Variants in EMID1 observed in about 807,000 individuals in gnomAD.
EMID1 encodes the protein EMI domain containing 1.
A neutral mutation model predicts 60.6 loss-of-function variants in EMID1; 40 were observed. The ratio of observed to expected loss-of-function variants is 0.66; its 90% CI spans 0.51 to 0.86. The LOEUF (loss-of-function observed/expected upper bound fraction) is 0.86. Among genes scored for constraint, EMID1 ranks in the 40% least tolerant of loss-of-function variants. EMID1 has a pLI of 0.00. For synonymous variants in EMID1, 242 were observed against 231.0 expected, an observed-to-expected ratio of 1.05 and a Z score of -0.43; for missense variants, 585 against 597.1, an observed-to-expected ratio of 0.98 and a Z score of 0.21.
At position 29,216,482 on chromosome 22, in the gene EMID1, C is replaced by T. The variant is rs943011056; in HGVS notation, c.319+852C>T. Reference sequence around the variant, plus strand: ...CCATCCTGAGAACCAGGCCCAGAGACAGCTCAAGGGACAGAAGCATTCAGG... The same window carrying T: ...CCATCCTGAGAACCAGGCCCAGAGATAGCTCAAGGGACAGAAGCATTCAGG... On this transcript the variant is annotated intron_variant, in intron 3 of 14. Transcript: ENST00000334018. 9 of 985,368 alleles carry T rather than the reference C, an allele frequency of 9.1e-6. No individual in the cohort carries two copies. In the African/African-American group the frequency reaches 1.6e-4, roughly 17 times the overall value. The allele number at this position is 985,368 out of a possible 1,614,324, so 61.0% of individuals were successfully genotyped here. A position where few individuals can be genotyped will look rare whatever the true frequency, so the allele number is the denominator to read the frequency against.
chr22:29,225,742 C>T (rs1201706470), intron 4 of EMID1, among the ~76,000 whole-genome samples: 9 of 152,234 alleles, frequency 5.9e-5, no homozygotes, highest in African/African-American at 2.2e-4. Flanking sequence ...CCTTCCTGCT[C>T]TGAGCCGTGT....
intron 3 of EMID1, 110 bp from the exon 4 acceptor site, chr22:29,225,023 G>A: frequency 9.1e-7 from 1 of 1,096,618 alleles, no homozygotes; most frequent in Non-Finnish European, 1.3e-6. Context: ...GGGCCTCTGT[G>A]TCCTACGCTG....
chr22:29,247,636 T>G (rs930157609), intron 13 of EMID1, among the ~76,000 whole-genome samples: 3 of 152,246 alleles, frequency 2.0e-5, no homozygotes, highest in Non-Finnish European at 4.4e-5. Flanking sequence ...GGAGCTTTTT[T>G]GTTTGTTTGT....
intron 13 of EMID1, among the ~76,000 whole-genome samples, chr22:29,245,736 CACTGCAGGA>C (rs1235402411): frequency 7.9e-5 from 12 of 152,194 alleles, no homozygotes; most frequent in African/African-American, 2.7e-4. Context: ...CATGATAGTG[CACTGCAGGA>C]ACTGGAGTGA....
intron 1 of EMID1, among the ~76,000 whole-genome samples, chr22:29,212,569 CT>C (rs750493866): frequency 1.1e-3 from 152 of 140,472 alleles, no homozygotes; most frequent in Middle Eastern, 4.0e-3. Context: ...TGTAATGTGG[CT>C]TTTTTTTTTT....
rs944310803 is a variant in EMID1, at chr22:29,238,633, G to A, written c.1074+4284G>A. On this transcript the variant is annotated intron_variant, in intron 12 of 14. Coordinates refer to ENST00000334018, the MANE Select transcript of EMID1 (RefSeq NM_133455.4). ...AGGGTTTCACCATGTTGGCCAGGCTGGTCTCAAACTTCTGACCTCAGGTGA... is the reference window on the plus strand; with the variant it reads ...AGGGTTTCACCATGTTGGCCAGGCTAGTCTCAAACTTCTGACCTCAGGTGA... 3.5e-5 allele frequency among the ~76,000 whole-genome samples: 5 copies of A among 143,500 alleles called. 1 individual carries two copies. Among genetic ancestry groups the A allele is most frequent in the Admixed American group, 6.8e-5 (1 of 14,622 alleles). 94.1% of individuals were successfully genotyped at this position (143,500 alleles called of 152,430 possible).
intron 12 of EMID1, among the ~76,000 whole-genome samples, 192 bp downstream of exon 12, chr22:29,234,541 T>C (rs1369441870): frequency 2.0e-5 from 3 of 152,200 alleles, no homozygotes; most frequent in Non-Finnish European, 4.4e-5. Flanking sequence ...ACTCTGGCTC[T>C]CTGTTTCTCT....
At position 29,215,579 on chromosome 22, in the gene EMID1, G is replaced by A. The variant is rs202038784; in HGVS notation, c.268G>A (p.Ala90Thr). 33 of 1,614,004 alleles carry A rather than the reference G, an allele frequency of 2.0e-5. No individual in the cohort carries two copies. The highest frequency in any genetic ancestry group is 1.8e-4 in the Admixed American group (11 of 60,006). ...TYKVMYKIVT[A>T]REWRCCPGHS... ...CAAGGTGATGTACAAGATAGTGACC[G>A]CCCGTGAGTGGAGGTGCTGCCCTGG... Residue 90 changes from alanine to threonine, a missense_variant, in exon 3 of 15, where the codon GCC (alanine) becomes ACC (threonine). Coordinates refer to ENST00000334018, the MANE Select transcript of EMID1 (RefSeq NM_133455.4).
chr22:29,242,726 G>T (rs2041195634), intron 12 of EMID1, among the ~76,000 whole-genome samples: 1 of 152,200 alleles, frequency 6.6e-6, no homozygotes, highest in Admixed American at 6.5e-5. Context: ...GGTTTTATCA[G>T]AGAGAATCTC....
chr22:29,233,072 G>T (rs1415604623), intron 8 of EMID1: 2 of 409,996 alleles, frequency 4.9e-6, no homozygotes, highest in African/African-American at 4.0e-5. Context: ...GTAGGTGGTG[G>T]ATAAATGGTA....
At chr22:29,239,369 A>G (rs769988544) in intron 12 of EMID1, among the ~76,000 whole-genome samples, 2 of 150,918 alleles carry the variant, frequency 1.3e-5, no homozygotes, top group Admixed American at 6.6e-5. Context: ...GAGTTTAAGC[A>G]GTCTACCCAC....
intron 3 of EMID1, among the ~76,000 whole-genome samples, chr22:29,217,499 G>C (rs1374070013): frequency 6.6e-6 from 1 of 152,226 alleles, no homozygotes; most frequent in Non-Finnish European, 1.5e-5. Context: ...CCCTGGGCTT[G>C]GGGGTGCTGC....
At position 29,232,337 on chromosome 22, in the gene EMID1, G is replaced by A. The variant is rs748853539; in HGVS notation, c.758G>A (p.Gly253Glu). The change falls in exon 8 of 15, where the codon GGG (glycine) becomes GAG (glutamate). Residue 253 changes from glycine to glutamate, a missense_variant. Gly to Glu is a moderately conservative substitution (Grantham distance 98, BLOSUM62 -2). Coordinates refer to ENST00000334018, the MANE Select transcript of EMID1 (RefSeq NM_133455.4). ...GAGAGGGGACCTCCTGGGCCACCAG[G>A]GCCTCCTGGCCCCCCTGGGCCCCCA... ...PGERGPPGPP[G>E]PPGPPGPPAP... is the part of the protein sequence containing the mutation. 1 of 1,608,246 alleles carries A rather than the reference G, an allele frequency of 6.2e-7. No individual in the cohort carries two copies. Among genetic ancestry groups the A allele is most frequent in the East Asian group, 2.2e-5 (1 of 44,836 alleles).
chr22:29,227,943 G>C (rs893392109), intron 5 of EMID1, among the ~76,000 whole-genome samples: 1 of 151,816 alleles, frequency 6.6e-6, no homozygotes, highest in Non-Finnish European at 1.5e-5. Context: ...ATCACCTGAG[G>C]TCAAGAGTTC....
chr22:29,232,111 G>T, intron 7 of EMID1, 145 bp from the exon 8 acceptor site: 1 of 857,160 alleles, frequency 1.2e-6, no homozygotes, highest in Non-Finnish European at 1.9e-6. Context: ...TCATCCCCCT[G>T]TTAGACTACC....
At position 29,259,002 on chromosome 22, in the gene EMID1, G is replaced by C; in HGVS notation, c.*58G>C. On this transcript the variant is annotated 3_prime_UTR_variant, in exon 15 of 15. Coordinates refer to ENST00000334018, the MANE Select transcript of EMID1 (RefSeq NM_133455.4). ...AGGCTTCCCCTCCTACCTGGACTCG[G>C]CCAGCTGCCTCCAGGGACCGCCCGT... The C allele has an allele frequency of 6.4e-7, 1 of 1,569,688 alleles. No homozygotes were observed. The highest frequency in any genetic ancestry group is 8.6e-7 in the Non-Finnish European group (1 of 1,160,602).
chr22:29,243,100 C>T (rs1427383852), intron 12 of EMID1, among the ~76,000 whole-genome samples: 3 of 151,970 alleles, frequency 2.0e-5, no homozygotes. Flanking sequence ...GCAACCTCAA[C>T]CTCTGATTCC....
At chr22:29,219,257 G>A (rs1303127271) in intron 3 of EMID1, among the ~76,000 whole-genome samples, 1 of 152,192 alleles carries the variant, frequency 6.6e-6, no homozygotes, top group Non-Finnish European at 1.5e-5. Context: ...GAGGCTGGCA[G>A]AAGCCAGTCT....
Position 29,259,078 on chromosome 22 carries a change from G to A in EMID1, c.*134G>A, listed in dbSNP as rs557491325. On this transcript the variant is annotated 3_prime_UTR_variant, in exon 15 of 15. Transcript: ENST00000334018. ...CCCTTCTGCCATCTAGGCCTTAGGG[G>A]TAAGCAGGTCTCAGTCCTGGCACCA... 4.4e-6 allele frequency: 6 copies of A among 1,365,966 alleles called. No individual in the cohort carries two copies. Among genetic ancestry groups the A allele is most frequent in the East Asian group, 5.1e-5 (2 of 39,028 alleles). 84.6% of individuals were successfully genotyped at this position (1,365,966 alleles called of 1,614,324 possible). A position where few individuals can be genotyped will look rare whatever the true frequency, so the allele number is the denominator to read the frequency against.
Sources: allele counts gnomAD v4.1 joint callset (sites outside exome capture counted in the v4.1 genomes callset), GRCh38; gene constraint gnomAD v4.1.1; transcripts MANE v1.5; gene names NCBI Gene and HGNC (gene_info 2026-07-23, HGNC 2026-07-21).